Variants in ZNF407 observed in about 807,000 individuals in gnomAD.
The protein encoded by ZNF407 is zinc finger protein 407.
Under a neutral mutation model 131.2 loss-of-function variants are expected in ZNF407, and 17 were observed. The observed-to-expected ratio is 0.13, with a 90% CI of 0.09 to 0.19. ZNF407 has a LOEUF of 0.19. Ranked by LOEUF, ZNF407 falls within the 10% of genes least tolerant of loss-of-function variation. ZNF407 has a pLI of 1.00. For missense variants in ZNF407, 2,681 were observed against 2,830.6 expected (o/e 0.95, Z 1.20); for synonymous variants, 1,156 against 1,062.0 (o/e 1.09, Z -1.72).
intron 3 of ZNF407, among the ~76,000 whole-genome samples, chr18:74,739,030 C>T (rs538823797): frequency 2.0e-5 from 3 of 151,910 alleles, no homozygotes; most frequent in South Asian, 4.2e-4. Flanking sequence ...TTAGGAGCTG[C>T]TTGATTAGCT....
chr18:74,631,754 C>G lies in ZNF407; in HGVS notation c.735C>G (p.Ser245=). The G allele has an allele frequency of 6.2e-7, 1 of 1,614,054 alleles. No individual in the cohort carries two copies. The highest frequency in any genetic ancestry group is 8.5e-7 in the Non-Finnish European group (1 of 1,179,908). The part of the protein sequence containing the change: ...KQAHGPQKVF[S]CDLCGFQCSE... Reference sequence around the variant, plus strand: ...CACATGGGCCACAGAAGGTCTTTTCCTGTGATCTTTGTGGTTTTCAGTGTT... The same window carrying G: ...CACATGGGCCACAGAAGGTCTTTTCGTGTGATCTTTGTGGTTTTCAGTGTT... The change falls in exon 2 of 9, where the codon TCC becomes TCG. Residue 245 remains serine (S), a synonymous_variant. Transcript: ENST00000299687.
intron 8 of ZNF407, among the ~76,000 whole-genome samples, chr18:74,978,842 C>T (rs977015688): frequency 5.3e-5 from 8 of 152,012 alleles, no homozygotes; most frequent in African/African-American, 1.4e-4. Context: ...AGCTTCAGCC[C>T]GGGATTGAGT....
intron 8 of ZNF407, among the ~76,000 whole-genome samples, chr18:75,043,474 C>G (rs1973397314): frequency 6.6e-6 from 1 of 152,208 alleles, no homozygotes; most frequent in Admixed American, 6.5e-5. Context: ...TTTGCCAAGC[C>G]AGCCTGCTTA....
chr18:74,884,733 CAT>C (rs1205208504), intron 6 of ZNF407, among the ~76,000 whole-genome samples: 1 of 152,066 alleles, frequency 6.6e-6, no homozygotes, highest in Non-Finnish European at 1.5e-5. Context: ...AATTTTGTCA[CAT>C]AAAGATTTTC....
At chr18:75,012,950 T>TAA (rs34245737) in intron 8 of ZNF407, among the ~76,000 whole-genome samples, 106 of 145,648 alleles carry the variant, frequency 7.3e-4, no homozygotes, top group African/African-American at 2.6e-3. Flanking sequence ...GGTCCTTTTT[T>TAA]AAAAAAAAAA....
chr18:74,622,281 A>G (rs1221161273), intron 1 of ZNF407, among the ~76,000 whole-genome samples: 1 of 152,212 alleles, frequency 6.6e-6, no homozygotes, highest in Non-Finnish European at 1.5e-5. Context: ...AGGTAATACC[A>G]TAAGGGCAAG....
At chr18:74,614,420 C>T (rs1342851501) in intron 1 of ZNF407, among the ~76,000 whole-genome samples, 3 of 152,178 alleles carry the variant, frequency 2.0e-5, no homozygotes. Context: ...TGTTTGGAGT[C>T]CCTGTGTGAC....
chr18:74,655,006 G>T (rs1331859126), intron 3 of ZNF407, among the ~76,000 whole-genome samples: 1 of 151,748 alleles, frequency 6.6e-6, no homozygotes, highest in African/African-American at 2.4e-5. Flanking sequence ...CTAAAAAGTG[G>T]TATTTTACTT....
intron 1 of ZNF407, among the ~76,000 whole-genome samples, chr18:74,620,494 C>A (rs1412589966): frequency 1.3e-5 from 2 of 150,892 alleles, no homozygotes; most frequent in African/African-American, 4.9e-5. Flanking sequence ...ATTTTAATAA[C>A]CCGCAGGCAA....
intron 3 of ZNF407, among the ~76,000 whole-genome samples, chr18:74,681,533 G>A (rs576855905): frequency 6.6e-6 from 1 of 152,232 alleles, no homozygotes; most frequent in South Asian, 2.1e-4. Flanking sequence ...TTGAGCCATC[G>A]CGCCTGGCCT....
chr18:74,958,209 TAA>T, intron 8 of ZNF407, among the ~76,000 whole-genome samples: 1 of 152,342 alleles, frequency 6.6e-6, no homozygotes, highest in South Asian at 2.1e-4. Flanking sequence ...GTGCCTGCGA[TAA>T]AACAGTGGAA....
At chr18:74,681,330 C>G (rs955252131) in intron 3 of ZNF407, among the ~76,000 whole-genome samples, 1 of 152,014 alleles carries the variant, frequency 6.6e-6, no homozygotes, top group African/African-American at 2.4e-5. Context: ...TGAACTCCTG[C>G]GCCTAAATGC....
chr18:75,007,428 G>A lies in ZNF407; in HGVS notation c.5429-55722G>A, dbSNP rs905112844. On this transcript the variant is annotated intron_variant, in intron 8 of 8. Transcript: ENST00000299687. ...GTCACACAACACAGGGCACCGCAGC[G>A]CCTTAGTCTAGTCCTCACGACCCTT... 3.9e-5 allele frequency among the ~76,000 whole-genome samples: 6 copies of A among 152,092 alleles called. 1 individual carries two copies. Among genetic ancestry groups the A allele is most frequent in the African/African-American group, 7.2e-5 (3 of 41,400 alleles).
At chr18:75,034,686 A>C (rs1164411563) in intron 8 of ZNF407, among the ~76,000 whole-genome samples, 4 of 152,020 alleles carry the variant, frequency 2.6e-5, no homozygotes, top group Non-Finnish European at 5.9e-5. Flanking sequence ...AAACCAAAAA[A>C]TGGTTTAGTT....
At chr18:74,882,994 G>A (rs1971258482) in intron 6 of ZNF407, among the ~76,000 whole-genome samples, 1 of 152,236 alleles carries the variant, frequency 6.6e-6, no homozygotes, top group Non-Finnish European at 1.5e-5. Context: ...CAGTGGGCAG[G>A]TCAGTGCCCA....
chr18:74,751,205 T>G (rs1568196831), intron 3 of ZNF407, among the ~76,000 whole-genome samples: 1 of 152,206 alleles, frequency 6.6e-6, no homozygotes, highest in African/African-American at 2.4e-5. Context: ...ATCCCAAAGA[T>G]GTATTCCTCT....
At chr18:74,605,808 A>G (rs1225632478) in intron 1 of ZNF407, among the ~76,000 whole-genome samples, 2 of 152,206 alleles carry the variant, frequency 1.3e-5, no homozygotes, top group Non-Finnish European at 1.5e-5. Flanking sequence ...TATACTAGAA[A>G]GGTACGTCAT....
intron 8 of ZNF407, among the ~76,000 whole-genome samples, chr18:75,013,769 A>G (rs9960679): frequency 1 from 151,929 of 152,178 alleles, 75,840 homozygotes; most frequent in Middle Eastern, 1. Flanking sequence ...TCTGAAGGGC[A>G]TACAATTTCT....
intron 3 of ZNF407, among the ~76,000 whole-genome samples, chr18:74,694,978 T>C (rs1253471253): frequency 6.6e-6 from 1 of 152,210 alleles, no homozygotes; most frequent in Non-Finnish European, 1.5e-5. Flanking sequence ...ATTCTCACTT[T>C]AGAGGGGATA....
Sources: gnomAD v4.1 joint callset for allele counts (sites outside exome capture counted in the v4.1 genomes callset) on GRCh38, gnomAD v4.1.1 for gene constraint, MANE v1.5 for transcripts, NCBI Gene and HGNC (gene_info 2026-07-23, HGNC 2026-07-21) for gene names.